ST3GAL1: variants seen among roughly 807,000 people sequenced by gnomAD.
ST3GAL1 encodes the protein CMP-N-acetylneuraminate-beta-galactosamide-alpha-2,3-sialyltransferase 1.
A neutral mutation model predicts 34.1 loss-of-function variants in ST3GAL1; 16 were observed. The observed-to-expected ratio is 0.47, with a 90% confidence interval of 0.32 to 0.71. The LOEUF (loss-of-function observed/expected upper bound fraction) is 0.71, where lower values mean the gene tolerates loss of function less well. ST3GAL1 is among the 30% of genes least tolerant of loss of function. ST3GAL1 has a pLI of 0.04. For synonymous variants in ST3GAL1, 191 were observed against 184.7 expected, an observed-to-expected ratio of 1.03 and a Z score of -0.28; for missense variants, 353 against 447.4, an observed-to-expected ratio of 0.79 and a Z score of 1.90.
intron 2 of ST3GAL1, among the ~76,000 whole-genome samples, chr8:133,523,211 G>C (rs987284971): frequency 1.3e-5 from 2 of 152,196 alleles, no homozygotes; most frequent in South Asian, 4.2e-4. Flanking sequence ...CTCTTCTGTG[G>C]GGGGTTGCTA....
intron 2 of ST3GAL1, among the ~76,000 whole-genome samples, chr8:133,516,643 T>C (rs1341680242): frequency 6.6e-6 from 1 of 152,190 alleles, no homozygotes; most frequent in Non-Finnish European, 1.5e-5. Flanking sequence ...TTTAGATCCA[T>C]CCATTCAACC....
rs1055553493 is a variant in ST3GAL1 at position 133,466,754 on chromosome 8, T to C, written c.307-664A>G. Among the ~76,000 whole-genome samples the C allele has an allele frequency of 6.6e-6, 1 of 152,240 alleles. No individual in the cohort carries two copies. The highest frequency in any genetic ancestry group is 1.5e-5 in the Non-Finnish European group (1 of 68,038). On this transcript the variant is annotated intron_variant, in intron 5 of 9. Transcript: ENST00000522652. This position sits in a 1 kb window ranked among gnomAD's most constrained non-coding sequence, Gnocchi z 4.4. ...CCAGATTGAAGAATCAGCAGTTTGC[T>C]GGATGCACAAGGCTTCTGCGATCTG...
Position 133,487,308 on chromosome 8 carries a change from T to C in ST3GAL1, c.-373-10708A>G, listed in dbSNP as rs1586608489. Among the ~76,000 whole-genome samples the C allele has an allele frequency of 2.1e-5, 3 of 143,202 alleles. No homozygotes were observed. The Admixed American group carries it at 2.1e-4, about 10-fold the overall frequency. The allele number at this position is 143,202 out of a possible 152,430, so 93.9% of individuals were successfully genotyped here. On this transcript the variant is annotated intron_variant, in intron 3 of 9. Coordinates refer to ENST00000522652, the MANE Select transcript of ST3GAL1 (RefSeq NM_173344.3). ...AATACTATTGGTATATATATATATA[T>C]ATAGTGCTTAGAACAATTCCTGACC...
At chr8:133,549,726 G>A (rs1351484111) in intron 1 of ST3GAL1, among the ~76,000 whole-genome samples, 5 of 152,326 alleles carry the variant, frequency 3.3e-5, no homozygotes, top group Admixed American at 3.3e-4. Context: ...ACTTTGGGAG[G>A]CCGAGGTGGG....
intron 2 of ST3GAL1, among the ~76,000 whole-genome samples, chr8:133,522,944 A>C (rs2131030330): frequency 6.6e-6 from 1 of 152,354 alleles, no homozygotes; most frequent in South Asian, 2.1e-4. Context: ...GAAAATGAGC[A>C]CTGTGGGGAA....
chr8:133,547,161 G>A (rs1355215682), intron 1 of ST3GAL1, among the ~76,000 whole-genome samples: 1 of 152,170 alleles, frequency 6.6e-6, no homozygotes, highest in African/African-American at 2.4e-5. Context: ...AGGGAGAATC[G>A]AAGTTTGGCC....
Position 133,508,544 on chromosome 8 carries a change from A to G in ST3GAL1, c.-428-9355T>C, listed in dbSNP as rs1388356202. Among the ~76,000 whole-genome samples, 1 of 152,114 alleles carries G rather than the reference A, an allele frequency of 6.6e-6. No homozygotes were observed. Among genetic ancestry groups the G allele is most frequent in the East Asian group, 1.9e-4 (1 of 5,188 alleles). On this transcript the variant is annotated intron_variant, in intron 2 of 9. Transcript: ENST00000522652. This position sits in a 1 kb window ranked among gnomAD's most constrained non-coding sequence, Gnocchi z 4.1. ...CAGGTTCTACAGGGAGGAAACTGAG[A>G]TCCCTGTTTGAGGCTGATCTCTGCA...
chr8:133,483,392 A>G (rs79311645), intron 3 of ST3GAL1, among the ~76,000 whole-genome samples: 2,220 of 152,308 alleles, frequency 0.015, 47 homozygotes, highest in African/African-American at 0.05. Flanking sequence ...TGTGGGATAA[A>G]TGGCCTTGCA....
At position 133,571,139 on chromosome 8, in the gene ST3GAL1, G is replaced by A. The variant is rs545533358; in HGVS notation, c.-582+554C>T. ...TGCGCCTGCTTGCAGCGGATTGGGGGACTCGATCCGGATACTGTCCCACGG... is the reference window on the plus strand; with the variant it reads ...TGCGCCTGCTTGCAGCGGATTGGGGAACTCGATCCGGATACTGTCCCACGG... On this transcript the variant is annotated intron_variant, in intron 1 of 9. Transcript: ENST00000522652. This position sits in a 1 kb window ranked among gnomAD's most constrained non-coding sequence, Gnocchi z 6.7. Among the ~76,000 whole-genome samples, 1 of 152,316 alleles carries A rather than the reference G, an allele frequency of 6.6e-6. No individual in the cohort carries two copies. The highest frequency in any genetic ancestry group is 1.9e-4 in the East Asian group (1 of 5,164).
intron 8 of ST3GAL1, 116 bp from the exon 9 acceptor site, chr8:133,462,110 T>TA: frequency 6.8e-7 from 1 of 1,473,512 alleles, no homozygotes; most frequent in Non-Finnish European, 9.2e-7. Flanking sequence ...GCCTAATAGA[T>TA]ACGCCTGCAC....
intron 2 of ST3GAL1, among the ~76,000 whole-genome samples, chr8:133,513,088 A>T (rs887363573): frequency 6.6e-6 from 1 of 152,182 alleles, no homozygotes; most frequent in African/African-American, 2.4e-5. Flanking sequence ...CAATGGGCCC[A>T]GTGTCCTCAG....
At chr8:133,478,396 C>A (rs1192812298) in intron 3 of ST3GAL1, among the ~76,000 whole-genome samples, 1 of 152,210 alleles carries the variant, frequency 6.6e-6, no homozygotes, top group Non-Finnish European at 1.5e-5. Context: ...GAACATCCTG[C>A]TGGCTATTTT....
intron 2 of ST3GAL1, among the ~76,000 whole-genome samples, chr8:133,530,912 G>A (rs958408998): frequency 6.6e-5 from 10 of 152,192 alleles, no homozygotes; most frequent in Non-Finnish European, 1.3e-4. Context: ...GAAAGAAGAT[G>A]AGGAGTGTGG....
intron 2 of ST3GAL1, among the ~76,000 whole-genome samples, chr8:133,513,794 G>A (rs989904134): frequency 6.6e-6 from 1 of 152,104 alleles, no homozygotes; most frequent in African/African-American, 2.4e-5. Context: ...AGCTACTTGG[G>A]GGGCTGAGGG....
At chr8:133,492,963 A>C (rs1196566712) in intron 3 of ST3GAL1, among the ~76,000 whole-genome samples, 1 of 152,138 alleles carries the variant, frequency 6.6e-6, no homozygotes, top group Non-Finnish European at 1.5e-5. Context: ...CTGGCAGGAG[A>C]GATAAACTGA....
At chr8:133,475,627 CT>C in intron 5 of ST3GAL1, 91 bp downstream of exon 5, 5 of 1,409,234 alleles carry the variant, frequency 3.5e-6, no homozygotes, top group Non-Finnish European at 4.7e-6. Context: ...AGGCCTCCCA[CT>C]CTTATCCAGA....
chr8:133,532,953 C>T (rs941529138), intron 2 of ST3GAL1, among the ~76,000 whole-genome samples: 1 of 152,166 alleles, frequency 6.6e-6, no homozygotes, highest in Admixed American at 6.5e-5. Context: ...CATATTCATT[C>T]GTTGAAACCA....
chr8:133,533,108 C>T (rs968410864), intron 2 of ST3GAL1, among the ~76,000 whole-genome samples: 1 of 152,212 alleles, frequency 6.6e-6, no homozygotes, highest in Non-Finnish European at 1.5e-5. Flanking sequence ...CCTGGAATCC[C>T]TGGATTTCCA....
chr8:133,497,676 T>C (rs1327214013), intron 3 of ST3GAL1, among the ~76,000 whole-genome samples: 2 of 152,038 alleles, frequency 1.3e-5, no homozygotes, highest in African/African-American at 2.4e-5. Context: ...TTTCACCATG[T>C]TGGCCAGGCT....
Sources: gnomAD v4.1 joint callset for allele counts (sites outside exome capture counted in the v4.1 genomes callset) on GRCh38, gnomAD v4.1.1 for gene constraint, Gnocchi (gnomAD v3.1) non-coding constraint, MANE v1.5 for transcripts, NCBI Gene and HGNC (gene_info 2026-07-23, HGNC 2026-07-21) for gene names.